The following SVIL variants were observed in gnomAD, a reference collection of about 807,000 sequenced individuals.
SVIL encodes supervillin, also known as archvillin.
SVIL carries 101 observed loss-of-function variants against 240.4 expected under a neutral mutation model. The ratio of observed to expected loss-of-function variants is 0.42; its 90% confidence interval spans 0.36 to 0.50. The LOEUF is 0.50. Ranked by LOEUF, SVIL falls within the 20% of genes least tolerant of loss-of-function variation. The probability of loss-of-function intolerance (pLI) is 0.01; values close to 1 mark genes in which losing one functional copy is unlikely to be tolerated. For missense variants in SVIL, 2,512 were observed against 2,818.7 expected (o/e 0.89, Z 2.46); for synonymous variants, 999 against 1,100.0 (o/e 0.91, Z 1.82).
intron 1 of SVIL, among the ~76,000 whole-genome samples, chr10:29,693,524 C>A (rs74131934): frequency 0.033 from 4,994 of 152,096 alleles, 264 homozygotes; most frequent in African/African-American, 0.11. Context: ...CCTAGAGATG[C>A]CTGGAAAAAT....
chr10:29,470,558 C>T, intron 31 of SVIL, 75 bp from the exon 32 acceptor site: 12 of 1,554,466 alleles, frequency 7.7e-6, no homozygotes, highest in South Asian at 2.3e-5. Flanking sequence ...TCCTAGTGTC[C>T]GCTGTGTCGT....
At chr10:29,541,408 G>A (rs1330639079) in intron 6 of SVIL, among the ~76,000 whole-genome samples, 2 of 152,168 alleles carry the variant, frequency 1.3e-5, no homozygotes, top group African/African-American at 4.8e-5. Flanking sequence ...TCACCAAGCT[G>A]CATCCTTAAA....
chr10:29,482,108 A>G (rs1265488494), intron 27 of SVIL, among the ~76,000 whole-genome samples: 1 of 148,212 alleles, frequency 6.7e-6, no homozygotes, highest in Non-Finnish European at 1.5e-5. Flanking sequence ...AGCTCCCTGC[A>G]GCCTTGAACT....
Position 29,497,653 on chromosome 10 carries a change from G to C in SVIL, c.3664+1463C>G, listed in dbSNP as rs186922049. On this transcript the variant is annotated intron_variant, in intron 18 of 37. Transcript: ENST00000355867. ...TAAAGCATATCCGGATTTGGCTTTGGTCAGTCAGAGAAATCAGGTTTGATG... is the reference window on the plus strand; with the variant it reads ...TAAAGCATATCCGGATTTGGCTTTGCTCAGTCAGAGAAATCAGGTTTGATG... Among the ~76,000 whole-genome samples the C allele has an allele frequency of 2.0e-4, 31 of 152,302 alleles. 1 individual carries two copies. The South Asian group carries it at 3.7e-3, about 18-fold the overall frequency.
At chr10:29,695,456 A>T (rs559294722) in intron 1 of SVIL, among the ~76,000 whole-genome samples, 51 of 152,258 alleles carry the variant, frequency 3.3e-4, no homozygotes, top group African/African-American at 1.2e-3. Flanking sequence ...TAAAAAATTT[A>T]AAAAATAGCC....
rs558851803 is a variant in SVIL at position 29,582,251 on chromosome 10, A to G, written c.-200-12939T>C. 2.0e-5 allele frequency among the ~76,000 whole-genome samples: 3 copies of G among 152,318 alleles called. No homozygotes were observed. In the South Asian group the frequency reaches 6.2e-4, roughly 32 times the overall value. Reference sequence around the variant, plus strand: ...ATATTTCAGTGCAATCTACAATAAAATGTACACTGAGGGCAAATCACAGCT... The same window carrying G: ...ATATTTCAGTGCAATCTACAATAAAGTGTACACTGAGGGCAAATCACAGCT... On this transcript the variant is annotated intron_variant, in intron 1 of 37. Transcript: ENST00000355867.
At chr10:29,579,574 A>T (rs1398715578) in intron 1 of SVIL, among the ~76,000 whole-genome samples, 1 of 152,238 alleles carries the variant, frequency 6.6e-6, no homozygotes, top group Non-Finnish European at 1.5e-5. Flanking sequence ...CAAGGTCAAA[A>T]GCTAAGGCGT....
intron 2 of SVIL, among the ~76,000 whole-genome samples, chr10:29,669,201 C>A (rs1454970601): frequency 6.6e-6 from 1 of 151,998 alleles, no homozygotes; most frequent in South Asian, 2.1e-4. Context: ...TGAGCAGAGC[C>A]CCAGAAGAAT....
At chr10:29,569,356 T>G in intron 1 of SVIL, 44 bp from the exon 2 acceptor site, 1 of 941,142 alleles carries the variant, frequency 1.1e-6, no homozygotes, top group Non-Finnish European at 1.3e-6. Context: ...GTTATGCAAA[T>G]TGTTAAAAAT....
Position 29,486,648 on chromosome 10 carries a change from G to A in SVIL, c.4486-91C>T, listed in dbSNP as rs1947428733. 69 of 1,498,024 alleles carry A rather than the reference G, an allele frequency of 4.6e-5. No homozygotes were observed. The Middle Eastern group carries it at 8.1e-4, about 18-fold the overall frequency. 92.8% of individuals were successfully genotyped at this position (1,498,024 alleles called of 1,614,324 possible). The stretch of plus-strand genomic sequence containing the variant: ...CAAAACCAGAGAGGAGAAACAGTGT[G>A]CCTGCAAGGAAAGCCTTGTGACCAC... On this transcript the variant is annotated intron_variant, in intron 24 of 37. Coordinates refer to ENST00000355867, the MANE Select transcript of SVIL (RefSeq NM_021738.3).
intron 1 of SVIL, among the ~76,000 whole-genome samples, chr10:29,693,669 G>A (rs1305315285): frequency 2.0e-5 from 3 of 152,152 alleles, no homozygotes; most frequent in African/African-American, 7.2e-5. Context: ...ACACCTGCAA[G>A]TGCCAGCCCT....
intron 17 of SVIL, among the ~76,000 whole-genome samples, chr10:29,509,209 C>T (rs181426621): frequency 5.9e-5 from 9 of 151,912 alleles, no homozygotes; most frequent in Non-Finnish European, 1.0e-4. Context: ...GAGACTCACA[C>T]ATGTTTAAGT....
At chr10:29,714,247 G>A (rs1372386983) in intron 1 of SVIL, among the ~76,000 whole-genome samples, 1 of 152,174 alleles carries the variant, frequency 6.6e-6, no homozygotes, top group Non-Finnish European at 1.5e-5. Flanking sequence ...GCTATCCTGA[G>A]TCATCTCCAT....
chr10:29,719,686 A>G (rs1963858018), intron 1 of SVIL, among the ~76,000 whole-genome samples: 1 of 152,268 alleles, frequency 6.6e-6, no homozygotes, highest in Non-Finnish European at 1.5e-5. Flanking sequence ...GATGAACAGT[A>G]GACTGGATAG....
At chr10:29,583,844 G>A (rs151142583) in intron 1 of SVIL, among the ~76,000 whole-genome samples, 79 of 152,344 alleles carry the variant, frequency 5.2e-4, no homozygotes, top group Middle Eastern at 3.4e-3. Flanking sequence ...CTGTTGAAAT[G>A]ACTCAAGACA....
rs779121448 is a variant in SVIL, at chr10:29,532,041, G to C, written c.1970C>G (p.Thr657Ser). ...TCGTTCTGCTGAAGTTATAGGTTGG[G>C]TTCTAAATCTCTCGGAAGTTTTTCT... is the stretch of plus-strand genomic sequence containing the variant. The part of the protein sequence containing the change: ...ESRKTSERFR[T>S]QPITSAERKE... The change falls in exon 9 of 38, where the codon ACC becomes AGC. Residue 657 changes from threonine to serine, a missense_variant. By Grantham distance (58) the Thr-to-Ser change is moderately conservative (BLOSUM62 1). Coordinates refer to ENST00000355867, the MANE Select transcript of SVIL (RefSeq NM_021738.3). 1 of 1,614,160 alleles carries C rather than the reference G, an allele frequency of 6.2e-7. No individual in the cohort carries two copies. The highest frequency in any genetic ancestry group is 1.1e-5 in the South Asian group (1 of 91,092).
chr10:29,469,698 G>A (rs1208111116), intron 32 of SVIL, among the ~76,000 whole-genome samples: 6 of 152,200 alleles, frequency 3.9e-5, no homozygotes, highest in Non-Finnish European at 5.9e-5. Context: ...ACAGTGTGCT[G>A]AGTCTTTGCA....
At chr10:29,727,497 C>T (rs1964358383) in intron 1 of SVIL, among the ~76,000 whole-genome samples, 1 of 151,870 alleles carries the variant, frequency 6.6e-6, no homozygotes, top group South Asian at 2.1e-4. Flanking sequence ...GCCATGAGTC[C>T]AACCATTATT....
chr10:29,549,174 A>G (rs908870763), intron 6 of SVIL, among the ~76,000 whole-genome samples: 1 of 115,606 alleles, frequency 8.7e-6, no homozygotes, highest in Non-Finnish European at 1.8e-5. Flanking sequence ...TTACAAAAAA[A>G]AAAACAAACA....
Sources: gnomAD v4.1 joint callset for allele counts (sites outside exome capture counted in the v4.1 genomes callset) on GRCh38, gnomAD v4.1.1 for gene constraint, MANE v1.5 for transcripts, NCBI Gene and HGNC (gene_info 2026-07-23, HGNC 2026-07-21) for gene names.